SAAL1: variants seen among roughly 807,000 people sequenced by gnomAD.
SAAL1 encodes protein SAAL1.
In SAAL1, 42 loss-of-function variants were observed where a neutral mutation model predicts 59.8. The observed-to-expected ratio is 0.70, with a 90% CI of 0.55 to 0.91. The LOEUF is 0.91. SAAL1 is among the 40% of genes least tolerant of loss of function. The pLI is 0.00. For missense variants in SAAL1, 542 were observed against 561.1 expected, an observed-to-expected ratio of 0.97 and a Z score of 0.34; for synonymous variants, 191 against 194.3, an observed-to-expected ratio of 0.98 and a Z score of 0.14.
chr11:18,096,225 G>A (rs780376617), intron 3 of SAAL1, among the ~76,000 whole-genome samples: 2 of 151,764 alleles, frequency 1.3e-5, no homozygotes, highest in South Asian at 2.1e-4. Flanking sequence ...TCCCTGGTCC[G>A]GCCTGAATCT....
At chr11:18,082,941 C>A (rs1848425737) in intron 10 of SAAL1, among the ~76,000 whole-genome samples, 1 of 152,156 alleles carries the variant, frequency 6.6e-6, no homozygotes, top group African/African-American at 2.4e-5. Flanking sequence ...TTAAGGAATA[C>A]TCTTTAAAAA....
In SAAL1 at chr11:18,090,517, G is replaced by C. The variant is rs369343401; in HGVS notation, c.414-24C>G. 2.5e-6 allele frequency: 4 copies of C among 1,592,482 alleles called. No individual in the cohort carries two copies. The South Asian group carries it at 3.5e-5, about 14-fold the overall frequency. On this transcript the variant is annotated intron_variant, in intron 4 of 11. Coordinates refer to ENST00000524803, the MANE Select transcript of SAAL1 (RefSeq NM_138421.3). ...GCCTACAAAAACAAAGAAGTTAACC[G>C]ATATGCCTCACTTCTCGCATTTAAA...
At chr11:18,094,663 A>C (rs1256073965) in intron 3 of SAAL1, among the ~76,000 whole-genome samples, 1 of 152,164 alleles carries the variant, frequency 6.6e-6, no homozygotes, top group Non-Finnish European at 1.5e-5. Flanking sequence ...CAGTATAAAA[A>C]AGGAAGAAAG....
intron 10 of SAAL1, chr11:18,081,819 A>C (rs1590282002): frequency 4.0e-6 from 1 of 248,720 alleles, no homozygotes; most frequent in Non-Finnish European, 7.8e-6. Flanking sequence ...AATCTCTCTT[A>C]CCCCCATCCC....
chr11:18,104,544 T>C (rs1848668801), intron 1 of SAAL1, among the ~76,000 whole-genome samples: 1 of 152,080 alleles, frequency 6.6e-6, no homozygotes, highest in African/African-American at 2.4e-5. Flanking sequence ...GACAAAGAGT[T>C]CTGGTAGCAA....
chr11:18,082,671 G>A (rs555598094), intron 10 of SAAL1, among the ~76,000 whole-genome samples: 10 of 152,196 alleles, frequency 6.6e-5, no homozygotes, highest in East Asian at 3.9e-4. Flanking sequence ...TCACTCTGTC[G>A]CTCAGGTTGG....
At chr11:18,093,919 G>C (rs1848547700) in intron 3 of SAAL1, 1 of 152,216 alleles carries the variant, frequency 6.6e-6, no homozygotes, top group African/African-American at 2.4e-5. Flanking sequence ...TAGCTTTCAA[G>C]TTGCCTCATT....
intron 3 of SAAL1, 21 bp downstream of exon 3, chr11:18,096,750 T>C: frequency 1.6e-6 from 2 of 1,242,134 alleles, no homozygotes; most frequent in South Asian, 2.4e-5. Context: ...AGAAGAAGGC[T>C]TTAGAAATGT....
In SAAL1 at chr11:18,101,281, T is replaced by C. The variant is rs368069912; in HGVS notation, c.249+1952A>G. On this transcript the variant is annotated intron_variant, in intron 2 of 11. Transcript: ENST00000524803. ...TGATCCAGCCATGCCACTTGATATA[T>C]GGTCTGGCTCTGTGTCCCCTCCTAA... 2.6e-5 allele frequency among the ~76,000 whole-genome samples: 4 copies of C among 152,168 alleles called. No individual in the cohort carries two copies. The East Asian group carries it at 7.7e-4, about 29-fold the overall frequency.
At chr11:18,095,104 G>A (rs1184007686) in intron 3 of SAAL1, among the ~76,000 whole-genome samples, 1 of 152,174 alleles carries the variant, frequency 6.6e-6, no homozygotes, top group Non-Finnish European at 1.5e-5. Context: ...AAACTCTGGA[G>A]GGAGGCTCGG....
intron 10 of SAAL1, among the ~76,000 whole-genome samples, chr11:18,082,487 T>C (rs1408990320): frequency 6.6e-6 from 1 of 152,136 alleles, no homozygotes; most frequent in Admixed American, 6.5e-5. Flanking sequence ...GACTTAGCCA[T>C]CTTCACATTT....
intron 7 of SAAL1, among the ~76,000 whole-genome samples, chr11:18,087,740 C>A (rs1369455291): frequency 6.6e-6 from 1 of 152,198 alleles, no homozygotes; most frequent in African/African-American, 2.4e-5. Flanking sequence ...TTTGGAAACT[C>A]AAAATCTTAG....
Position 18,089,276 on chromosome 11 carries a change from T to C in SAAL1, c.770+54A>G, listed in dbSNP as rs867711936. ...ATAAGAAGACTTTTATATCTGAGAA[T>C]ACTTCTAGCAATTGCATTTTCCCAG... On this transcript the variant is annotated intron_variant, in intron 7 of 11. Coordinates refer to ENST00000524803, the MANE Select transcript of SAAL1 (RefSeq NM_138421.3). 1.1e-5 allele frequency: 15 copies of C among 1,417,496 alleles called. No homozygotes were observed. In the Middle Eastern group the frequency reaches 2.8e-3, roughly 261 times the overall value. The allele number at this position is 1,417,496 out of a possible 1,614,324, so 87.8% of individuals were successfully genotyped here.
intron 2 of SAAL1, among the ~76,000 whole-genome samples, chr11:18,098,302 C>T (rs1420215377): frequency 6.6e-6 from 1 of 152,170 alleles, no homozygotes; most frequent in East Asian, 1.9e-4. Flanking sequence ...ACTGTGGCAG[C>T]CTCATAACTT....
At chr11:18,097,194 G>A (rs1460052433) in intron 2 of SAAL1, among the ~76,000 whole-genome samples, 7 of 151,832 alleles carry the variant, frequency 4.6e-5, no homozygotes, top group African/African-American at 7.3e-5. Context: ...CTGAGATCAC[G>A]CCACTGCACT....
Position 18,083,737 on chromosome 11 carries a change from T to C in SAAL1, c.1043-6A>G. 1.3e-6 allele frequency: 2 copies of C among 1,578,148 alleles called. No individual in the cohort carries two copies. The highest frequency in any genetic ancestry group is 8.6e-7 in the Non-Finnish European group (1 of 1,161,432). On this transcript the variant is annotated splice_polypyrimidine_tract_variant and splice_region_variant and intron_variant, in intron 9 of 11. Coordinates refer to ENST00000524803, the MANE Select transcript of SAAL1 (RefSeq NM_138421.3). ...GTCAATTAGAGGAAGATCTACTGTA[T>C]AAACAAATCAAGAAGCATGGAATTG... is the stretch of plus-strand genomic sequence containing the variant.
chr11:18,093,582 GGCAT>G (rs1848544297), intron 3 of SAAL1, among the ~76,000 whole-genome samples: 1 of 152,102 alleles, frequency 6.6e-6, no homozygotes, highest in South Asian at 2.1e-4. Context: ...ACGGTGGCCA[GGCAT>G]TACTCTAAGC....
chr11:18,096,879 T>G, intron 2 of SAAL1, 25 bp from the exon 3 acceptor site: 1 of 1,213,988 alleles, frequency 8.2e-7, no homozygotes, highest in South Asian at 1.3e-5. Context: ...GATTATTAAC[T>G]TGGATGTTGA....
intron 9 of SAAL1, among the ~76,000 whole-genome samples, chr11:18,084,163 C>T (rs981765063): frequency 6.6e-6 from 1 of 152,112 alleles, no homozygotes; most frequent in Non-Finnish European, 1.5e-5. Flanking sequence ...ATGGTGAAAC[C>T]GTGTCTTTAC....
Sources: gnomAD v4.1 joint callset for allele counts (sites outside exome capture counted in the v4.1 genomes callset) on GRCh38, gnomAD v4.1.1 for gene constraint, MANE v1.5 for transcripts, NCBI Gene and HGNC (gene_info 2026-07-23, HGNC 2026-07-21) for gene names.